Variants in DLG2 observed in about 807,000 individuals in gnomAD.
DLG2 encodes discs large MAGUK scaffold protein 2.
DLG2 carries 45 observed loss-of-function variants against 132.5 expected under a neutral mutation model. The observed-to-expected ratio is 0.34, with a 90% CI of 0.27 to 0.44. DLG2 has a LOEUF of 0.44. Among genes scored for constraint, DLG2 ranks in the 20% least tolerant of loss-of-function variants. The pLI is 1.00. For synonymous variants in DLG2, 424 were observed against 419.6 expected (o/e 1.01, Z -0.13); for missense variants, 1,045 against 1,196.9 (o/e 0.87, Z 1.87).
intron 6 of DLG2, among the ~76,000 whole-genome samples, chr11:84,846,728 T>A (rs939214393): frequency 2.0e-5 from 3 of 152,152 alleles, no homozygotes; most frequent in Non-Finnish European, 2.9e-5. Flanking sequence ...TTATTTTAAC[T>A]AATGTAATGT....
At chr11:85,029,330 G>C (rs1208901006) in intron 6 of DLG2, among the ~76,000 whole-genome samples, 1 of 152,100 alleles carries the variant, frequency 6.6e-6, no homozygotes, top group Non-Finnish European at 1.5e-5. Context: ...ATGAACCAGT[G>C]CCCATTCACT....
chr11:84,934,803 T>A (rs2048550597), intron 6 of DLG2, among the ~76,000 whole-genome samples: 1 of 152,020 alleles, frequency 6.6e-6, no homozygotes, highest in African/African-American at 2.4e-5. Context: ...TTGTTTCTCT[T>A]GTTTTTCCAT....
chr11:83,668,713 AT>A (rs2076202725), intron 18 of DLG2, among the ~76,000 whole-genome samples: 2 of 109,600 alleles, frequency 1.8e-5, no homozygotes, highest in African/African-American at 8.0e-5. Flanking sequence ...ACACATATAT[AT>A]GTGTATATAA....
In DLG2 at chr11:84,301,540, T is replaced by TCCCA. The variant is rs1448155168; in HGVS notation, c.520-50253_520-50250dup. Among the ~76,000 whole-genome samples, 9 of 148,844 alleles carry TCCCA rather than the reference T, an allele frequency of 6.0e-5. No homozygotes were observed. The East Asian group carries it at 1.8e-3, about 30-fold the overall frequency. ...CCAGGCCTGGTGGCGGCGCCTATAGTCCCAGCTACTCGGGAGGCTGAGGCA... is the reference window on the plus strand; with the variant it reads ...CCAGGCCTGGTGGCGGCGCCTATAGTCCCACCCAGCTACTCGGGAGGCTGAGGCA... On this transcript the variant is annotated intron_variant, in intron 7 of 27. Coordinates refer to ENST00000376104, the MANE Select transcript of DLG2 (RefSeq NM_001142699.3).
At chr11:85,282,789 A>G (rs1452588198) in intron 4 of DLG2, among the ~76,000 whole-genome samples, 4 of 152,052 alleles carry the variant, frequency 2.6e-5, no homozygotes, top group Non-Finnish European at 4.4e-5. Context: ...GCACCCCTGT[A>G]TGTTCATTGC....
At chr11:83,471,477 ATAAAT>A (rs371015347) in intron 24 of DLG2, 144 bp downstream of exon 24, 144 of 603,362 alleles carry the variant, frequency 2.4e-4, no homozygotes, top group African/African-American at 8.0e-4. Flanking sequence ...TGTTAGGCAA[ATAAAT>A]TAAATAAGGC....
chr11:83,600,141 C>T (rs548933433), intron 19 of DLG2, among the ~76,000 whole-genome samples: 2 of 152,004 alleles, frequency 1.3e-5, no homozygotes, highest in South Asian at 2.1e-4. Context: ...ACGTCTATGC[C>T]AGTTAAAATA....
chr11:84,554,233 C>T (rs949153938), intron 6 of DLG2, among the ~76,000 whole-genome samples: 3 of 152,180 alleles, frequency 2.0e-5, no homozygotes, highest in African/African-American at 7.2e-5. Flanking sequence ...GCAAAATTAA[C>T]AATCACAGTG....
At chr11:84,503,463 T>C (rs1591042900) in intron 7 of DLG2, among the ~76,000 whole-genome samples, 1 of 152,310 alleles carries the variant, frequency 6.6e-6, no homozygotes, top group South Asian at 2.1e-4. Flanking sequence ...TAACACAGCC[T>C]GCTAACCAGG....
At chr11:84,739,611 A>C (rs2064322459) in intron 6 of DLG2, among the ~76,000 whole-genome samples, 1 of 152,226 alleles carries the variant, frequency 6.6e-6, no homozygotes, top group South Asian at 2.1e-4. Flanking sequence ...AAATTGAGAA[A>C]TATTGATAAG....
chr11:83,936,217 T>C lies in DLG2; in HGVS notation c.1341-5734A>G, dbSNP rs563876373. Among the ~76,000 whole-genome samples, 17 of 152,340 alleles carry C rather than the reference T, an allele frequency of 1.1e-4. No individual in the cohort carries two copies. The South Asian group carries it at 2.1e-3, about 19-fold the overall frequency. On this transcript the variant is annotated intron_variant, in intron 14 of 27. Transcript: ENST00000376104. ...GTTGAACCAAGGAAGTAACAATCGA[T>C]GGCTTTTAGTCTCGCAAAAGGTACT...
intron 18 of DLG2, among the ~76,000 whole-genome samples, chr11:83,712,921 T>C (rs2085800139): frequency 6.6e-6 from 1 of 151,776 alleles, no homozygotes; most frequent in Admixed American, 6.6e-5. Context: ...CAAGTTTACC[T>C]ATGTAATAAA....
At chr11:83,472,696 A>T in intron 23 of DLG2, 31 bp downstream of exon 23, 1 of 1,603,892 alleles carries the variant, frequency 6.2e-7, no homozygotes. Context: ...TGGCCCAGAA[A>T]TTAGGAATGA....
At chr11:83,718,472 C>T (rs962979766) in intron 18 of DLG2, among the ~76,000 whole-genome samples, 3 of 134,644 alleles carry the variant, frequency 2.2e-5, no homozygotes, top group Non-Finnish European at 4.6e-5. Context: ...TGCAGTGGGC[C>T]GAGATTGTGC....
At chr11:85,142,550 T>G (rs2076565477) in intron 5 of DLG2, among the ~76,000 whole-genome samples, 1 of 151,810 alleles carries the variant, frequency 6.6e-6, no homozygotes, top group South Asian at 2.1e-4. Flanking sequence ...TTGGATGCCC[T>G]TTATTATTTC....
At chr11:83,844,013 T>C (rs1351374538) in intron 16 of DLG2, among the ~76,000 whole-genome samples, 1 of 152,032 alleles carries the variant, frequency 6.6e-6, no homozygotes, top group African/African-American at 2.4e-5. Context: ...AGAAAGCAAG[T>C]ACTGAGAATA....
At chr11:84,262,012 T>C (rs2097553519) in intron 7 of DLG2, among the ~76,000 whole-genome samples, 1 of 152,154 alleles carries the variant, frequency 6.6e-6, no homozygotes, top group Admixed American at 6.6e-5. Flanking sequence ...TAAGGAAAAT[T>C]ATAAACAGAA....
intron 7 of DLG2, among the ~76,000 whole-genome samples, chr11:84,513,252 T>G (rs772116549): frequency 6.6e-6 from 1 of 152,140 alleles, no homozygotes; most frequent in Admixed American, 6.6e-5. Flanking sequence ...AAAATGTCCA[T>G]ACTACCCAAA....
At chr11:84,048,223 T>C (rs2096279179) in intron 11 of DLG2, among the ~76,000 whole-genome samples, 1 of 151,582 alleles carries the variant, frequency 6.6e-6, no homozygotes. Context: ...ACAATTTATT[T>C]CTAAGAAGAC....
Sources: gnomAD v4.1 joint callset for allele counts (sites outside exome capture counted in the v4.1 genomes callset) on GRCh38, gnomAD v4.1.1 for gene constraint, MANE v1.5 for transcripts, NCBI Gene and HGNC (gene_info 2026-07-23, HGNC 2026-07-21) for gene names.